ZSWIM4: variants seen among roughly 807,000 people sequenced by gnomAD.
The protein encoded by ZSWIM4 is zinc finger SWIM-type containing 4.
ZSWIM4 carries 62 observed loss-of-function variants against 102.5 expected under a neutral mutation model. The ratio of observed to expected loss-of-function variants is 0.60; its 90% CI spans 0.49 to 0.75. The LOEUF (loss-of-function observed/expected upper bound fraction) is 0.75, where lower values mean the gene tolerates loss of function less well. Among genes scored for constraint, ZSWIM4 ranks in the 30% least tolerant of loss-of-function variants. The probability of loss-of-function intolerance (pLI) is 0.00; values close to 1 mark genes in which losing one functional copy is unlikely to be tolerated. For synonymous variants in ZSWIM4, 652 were observed against 674.5 expected (o/e 0.97, Z 0.52); for missense variants, 1,280 against 1,529.6 (o/e 0.84, Z 2.72).
At chr19:13,807,310 T>G in intron 3 of ZSWIM4, among the ~76,000 whole-genome samples, 1 of 150,946 alleles carries the variant, frequency 6.6e-6, no homozygotes, top group African/African-American at 2.4e-5. Flanking sequence ...GACATGTGGA[T>G]GAAGTGAAAT....
intron 5 of ZSWIM4, among the ~76,000 whole-genome samples, chr19:13,812,598 T>TA (rs942430308): frequency 9.2e-5 from 14 of 151,430 alleles, no homozygotes; most frequent in African/African-American, 3.4e-4. Flanking sequence ...TAGCTGGGAT[T>TA]ACAGGCACCC....
intron 12 of ZSWIM4, among the ~76,000 whole-genome samples, chr19:13,827,445 C>G (rs1975638660): frequency 6.6e-6 from 1 of 151,610 alleles, no homozygotes. Context: ...TCCCAAAAAT[C>G]AGCCATGCAT....
In ZSWIM4 at chr19:13,830,907, A is replaced by G; in HGVS notation, c.3178A>G (p.Ile1060Val). The stretch of plus-strand genomic sequence containing the variant: ...CAGCCCGCGGCACTATGGGGATTTC[A>G]TCGAATTCCTGGGCAAGGCCCGGGA... ...HISPRHYGDF[I>V]EFLGKARETF... Residue 1060 changes from isoleucine to valine, a missense_variant, in exon 14 of 14, where the codon ATC (isoleucine) becomes GTC (valine). Ile to Val is a conservative substitution (Grantham distance 29). Coordinates refer to ENST00000590508, the MANE Select transcript of ZSWIM4 (RefSeq NM_001367834.3). 1 of 1,614,190 alleles carries G rather than the reference A, an allele frequency of 6.2e-7. No individual in the cohort carries two copies. Among genetic ancestry groups the G allele is most frequent in the South Asian group, 1.1e-5 (1 of 91,086 alleles).
chr19:13,806,935 T>A (rs1429410084), intron 3 of ZSWIM4, among the ~76,000 whole-genome samples: 1 of 151,628 alleles, frequency 6.6e-6, no homozygotes, highest in East Asian at 1.9e-4. Context: ...GATGGACGAA[T>A]GGGGTAGTGG....
intron 3 of ZSWIM4, among the ~76,000 whole-genome samples, chr19:13,805,962 C>A (rs1251864947): frequency 6.7e-6 from 1 of 148,674 alleles, no homozygotes; most frequent in Non-Finnish European, 1.5e-5. Flanking sequence ...CAAAGTGAGA[C>A]CCTGACTCCA....
intron 12 of ZSWIM4, among the ~76,000 whole-genome samples, chr19:13,828,138 G>A (rs1975661258): frequency 6.6e-6 from 1 of 152,208 alleles, no homozygotes; most frequent in Admixed American, 6.5e-5. Context: ...GCTGGGTGCA[G>A]TGGCTCACGC....
At position 13,819,369 on chromosome 19, in the gene ZSWIM4, G is replaced by A; in HGVS notation, c.1937G>A (p.Ser646Asn). 4 of 1,613,968 alleles carry A rather than the reference G, an allele frequency of 2.5e-6. No homozygotes were observed. Among genetic ancestry groups the A allele is most frequent in the Non-Finnish European group, 3.4e-6 (4 of 1,179,936 alleles). ...AGLLLEGGPF[S>N]GFGEVLFRES... is the part of the protein sequence containing the mutation. ...GCTGTTCCTGCAGGGGGTCCCTTCA[G>A]TGGCTTTGGGGAGGTGCTGTTCCGG... Residue 646 changes from serine (S) to asparagine (N), a missense_variant, in exon 10 of 14, where the codon AGT (serine) becomes AAT (asparagine). Physicochemically the swap from Ser to Asn is conservative, Grantham distance 46. Coordinates refer to ENST00000590508, the MANE Select transcript of ZSWIM4 (RefSeq NM_001367834.3).
At chr19:13,812,909 T>C in intron 5 of ZSWIM4, 88 bp from the exon 6 acceptor site, 1 of 1,416,698 alleles carries the variant, frequency 7.1e-7, no homozygotes, top group Non-Finnish European at 9.6e-7. Context: ...GGTTAGCAGA[T>C]CATCAGGTGG....
At chr19:13,799,204 C>T (rs1974689110) in intron 1 of ZSWIM4, among the ~76,000 whole-genome samples, 1 of 152,038 alleles carries the variant, frequency 6.6e-6, no homozygotes, top group Admixed American at 6.6e-5. Context: ...CCCCACCCTC[C>T]CAGGTAGCTG....
Position 13,810,516 on chromosome 19 carries a change from C to A in ZSWIM4, c.1012+1296C>A, listed in dbSNP as rs191962820. 1.4e-4 allele frequency among the ~76,000 whole-genome samples: 22 copies of A among 152,122 alleles called. No homozygotes were observed. The East Asian group carries it at 4.1e-3, about 28-fold the overall frequency. On this transcript the variant is annotated intron_variant, in intron 5 of 13. Transcript: ENST00000590508. ...CCATGTTGATCAGGCTGGTCTCGAA[C>A]TCCTGTCTTCGTGATCCACCCGCCT...
chr19:13,800,399 G>T (rs953752220), intron 2 of ZSWIM4, among the ~76,000 whole-genome samples: 1 of 151,528 alleles, frequency 6.6e-6, no homozygotes, highest in Non-Finnish European at 1.5e-5. Flanking sequence ...CCAAGTAGCC[G>T]GGACTACAGG....
rs1355851715 is a variant in ZSWIM4, at chr19:13,808,941, G to C, written c.818G>C (p.Gly273Ala). Reference protein sequence around the residue: ...EQVKQLLSNGGYYGASQQLRS... With the variant: ...EQVKQLLSNGAYYGASQQLRS... Reference sequence around the variant, plus strand: ...GTGAAGCAGCTACTGTCCAATGGCGGCTACTACGGGGCCAGCCAGCAGCTG... The same window carrying C: ...GTGAAGCAGCTACTGTCCAATGGCGCCTACTACGGGGCCAGCCAGCAGCTG... Residue 273 changes from glycine (G) to alanine (A), a missense_variant, in exon 4 of 14, where the codon GGC becomes GCC. By Grantham distance (60) the Gly-to-Ala change is moderately conservative (BLOSUM62 0). Transcript: ENST00000590508. 6.2e-7 allele frequency: 1 copy of C among 1,609,658 alleles called. No individual in the cohort carries two copies. Among genetic ancestry groups the C allele is most frequent in the East Asian group, 2.2e-5 (1 of 44,694 alleles).
In ZSWIM4 at chr19:13,823,289, AG is replaced by A. The variant is rs1243255467; in HGVS notation, c.2061-56del. 2.6e-6 allele frequency: 4 copies of A among 1,556,524 alleles called. No homozygotes were observed. The African/African-American group carries it at 4.1e-5, about 16-fold the overall frequency. ...GGGCCAGGAGGCTTCTCTGTCTCCTAGAGAGAATGGGGACAGCAGCCCCTCC... is the reference window on the plus strand; with the variant it reads ...GGGCCAGGAGGCTTCTCTGTCTCCTAAGAGAATGGGGACAGCAGCCCCTCC... On this transcript the variant is annotated intron_variant, in intron 10 of 13. Transcript: ENST00000590508.
rs74487382 is a variant in ZSWIM4 at position 13,828,601 on chromosome 19, C to G, written c.2380-44C>G. ...TCCCAACGCCCCTCCATAGGCCAGC[C>G]CAAGACTCAGGCTAACCCCCTTCTC... On this transcript the variant is annotated intron_variant, in intron 12 of 13. Coordinates refer to ENST00000590508, the MANE Select transcript of ZSWIM4 (RefSeq NM_001367834.3). 12,036 of 1,599,988 alleles carry G rather than the reference C, an allele frequency of 7.5e-3. 774 individuals are homozygous for G. The African/African-American group carries it at 0.14, about 19-fold the overall frequency.
chr19:13,807,887 G>T (rs1974962493), intron 3 of ZSWIM4, among the ~76,000 whole-genome samples: 1 of 152,110 alleles, frequency 6.6e-6, no homozygotes, highest in African/African-American at 2.4e-5. Flanking sequence ...CTGCTATAAA[G>T]ACATACCTGA....
intron 11 of ZSWIM4, 127 bp downstream of exon 11, chr19:13,823,627 C>T (rs533203179): frequency 8.8e-7 from 1 of 1,136,886 alleles, no homozygotes; most frequent in Non-Finnish European, 1.2e-6. Context: ...TGAGCACCTC[C>T]TATATGTACC....
At chr19:13,821,893 C>T (rs759876864) in intron 10 of ZSWIM4, among the ~76,000 whole-genome samples, 4 of 152,020 alleles carry the variant, frequency 2.6e-5, no homozygotes, top group East Asian at 1.9e-4. Context: ...CCCACCACCA[C>T]GCCTGGTTAA....
chr19:13,823,419 C>G lies in ZSWIM4; in HGVS notation c.2134C>G (p.Arg712Gly). ...PSPLDSIMSN[R>G]FPRWFILGHL... ...CCCGCTGGACTCCATCATGAGCAAC[C>G]GCTTCCCCCGCTGGTTCATCCTTGG... Residue 712 changes from arginine to glycine, a missense_variant, in exon 11 of 14, where the codon CGC becomes GGC. Arg to Gly is a moderately radical substitution (Grantham distance 125, BLOSUM62 -2). Transcript: ENST00000590508. 6.2e-7 allele frequency: 1 copy of G among 1,607,440 alleles called. No homozygotes were observed. The highest frequency in any genetic ancestry group is 8.5e-7 in the Non-Finnish European group (1 of 1,176,664).
At position 13,831,061 on chromosome 19, in the gene ZSWIM4, G is replaced by C. The variant is rs144297960; in HGVS notation, c.*11G>C. 3.0e-4 allele frequency: 467 copies of C among 1,556,822 alleles called. 2 individuals carry two copies. The African/African-American group carries it at 5.9e-3, about 20-fold the overall frequency. The stretch of plus-strand genomic sequence containing the variant: ...GAGCGTTTTGGTTGAGGGACAGTGG[G>C]GTGCGTGGGAGTGGGGATCCCCCTC... On this transcript the variant is annotated 3_prime_UTR_variant, in exon 14 of 14. Coordinates refer to ENST00000590508, the MANE Select transcript of ZSWIM4 (RefSeq NM_001367834.3).
Sources: gnomAD v4.1 joint callset for allele counts (sites outside exome capture counted in the v4.1 genomes callset) on GRCh38, gnomAD v4.1.1 for gene constraint, MANE v1.5 for transcripts, NCBI Gene and HGNC (gene_info 2026-07-23, HGNC 2026-07-21) for gene names.